TRPC7: variants seen among roughly 807,000 people sequenced by gnomAD.
TRPC7 encodes transient receptor potential cation channel subfamily C member 7.
In TRPC7, 42 loss-of-function variants were observed where a neutral mutation model predicts 90.1. That is an observed-to-expected ratio of 0.47 (90% CI 0.36 to 0.60). The LOEUF is 0.60. TRPC7 is among the 20% of genes least tolerant of loss of function. The probability of loss-of-function intolerance (pLI) is 0.00; values close to 1 mark genes in which losing one functional copy is unlikely to be tolerated. For missense variants in TRPC7, 955 were observed against 1,112.3 expected (o/e 0.86, Z 2.01); for synonymous variants, 451 against 436.3 (o/e 1.03, Z -0.42).
intron 3 of TRPC7, among the ~76,000 whole-genome samples, chr5:136,302,351 C>T (rs1449859545): frequency 6.6e-6 from 1 of 152,198 alleles, no homozygotes; most frequent in East Asian, 1.9e-4. Context: ...GGGGCAAGTC[C>T]CGCTTTTCTG....
chr5:136,336,310 G>A (rs926653934), intron 2 of TRPC7, among the ~76,000 whole-genome samples: 10 of 152,018 alleles, frequency 6.6e-5, no homozygotes, highest in Non-Finnish European at 1.3e-4. Context: ...CATTTTCACC[G>A]GCAGCCCTAA....
chr5:136,274,974 G>A (rs1757317045), intron 3 of TRPC7, 137 bp from the exon 4 acceptor site: 2 of 934,312 alleles, frequency 2.1e-6, no homozygotes, highest in Non-Finnish European at 1.6e-6. Context: ...CCTGCAGTGG[G>A]TGGGGATGAG....
At chr5:136,260,625 C>T (rs1390938841) in intron 5 of TRPC7, among the ~76,000 whole-genome samples, 1 of 152,178 alleles carries the variant, frequency 6.6e-6, no homozygotes, top group Non-Finnish European at 1.5e-5. Context: ...GTGAGAGCAT[C>T]ATAGGCCACT....
intron 3 of TRPC7, among the ~76,000 whole-genome samples, chr5:136,293,837 A>G (rs1389944553): frequency 6.6e-6 from 1 of 152,246 alleles, no homozygotes; most frequent in Non-Finnish European, 1.5e-5. Context: ...TGCCAGGTCA[A>G]TCCTAAGCCA....
At chr5:136,261,317 G>C (rs759789369) in intron 5 of TRPC7, among the ~76,000 whole-genome samples, 1 of 152,210 alleles carries the variant, frequency 6.6e-6, no homozygotes, top group African/African-American at 2.4e-5. Flanking sequence ...CTAATAACTA[G>C]AAAATATTTA....
At chr5:136,253,477 T>C (rs1341462347) in intron 5 of TRPC7, among the ~76,000 whole-genome samples, 1 of 152,230 alleles carries the variant, frequency 6.6e-6, no homozygotes, top group Admixed American at 6.5e-5. Flanking sequence ...GGTCTCTATG[T>C]CATATTTTGG....
chr5:136,278,710 G>C (rs938625115), intron 3 of TRPC7, among the ~76,000 whole-genome samples: 2 of 152,132 alleles, frequency 1.3e-5, no homozygotes, highest in Non-Finnish European at 2.9e-5. Flanking sequence ...TAAGCTCAAG[G>C]GGATTTTGGG....
At chr5:136,308,314 G>C (rs1241830868) in intron 3 of TRPC7, among the ~76,000 whole-genome samples, 2 of 152,232 alleles carry the variant, frequency 1.3e-5, no homozygotes, top group African/African-American at 2.4e-5. Flanking sequence ...TCCCAAAGAG[G>C]AAGATGATTG....
chr5:136,353,345 AAG>A (rs1760261888), intron 2 of TRPC7, among the ~76,000 whole-genome samples: 1 of 152,160 alleles, frequency 6.6e-6, no homozygotes, highest in African/African-American at 2.4e-5. Flanking sequence ...CCTAGTCAGG[AAG>A]AGTTTTTCCC....
chr5:136,299,951 TCTGA>T (rs1580922382), intron 3 of TRPC7, among the ~76,000 whole-genome samples: 1 of 152,202 alleles, frequency 6.6e-6, no homozygotes, highest in South Asian at 2.1e-4. Flanking sequence ...ATCCTCAAGC[TCTGA>T]CTATCTTAGC....
At chr5:136,272,210 T>A (rs1207301847) in intron 4 of TRPC7, among the ~76,000 whole-genome samples, 2 of 152,204 alleles carry the variant, frequency 1.3e-5, no homozygotes, top group Non-Finnish European at 2.9e-5. Context: ...TTCCTAGAAT[T>A]ACAGATATAG....
intron 5 of TRPC7, among the ~76,000 whole-genome samples, chr5:136,252,164 G>A (rs1266331269): frequency 6.6e-6 from 1 of 152,096 alleles, no homozygotes; most frequent in Non-Finnish European, 1.5e-5. Context: ...AAATACAGTT[G>A]CTGACATTTA....
Position 136,315,965 on chromosome 5 carries a change from C to T in TRPC7, c.781-186G>A, listed in dbSNP as rs547790246. 9.9e-6 allele frequency: 6 copies of T among 603,384 alleles called. No individual in the cohort carries two copies. The East Asian group carries it at 1.7e-4, about 17-fold the overall frequency. 37.4% of individuals were successfully genotyped at this position (603,384 alleles called of 1,614,324 possible). ...CGGGGCAATTTCTCTTGACACGTGACCTGAAGGACATTTTCTCTAGGTCAG... is the reference window on the plus strand; with the variant it reads ...CGGGGCAATTTCTCTTGACACGTGATCTGAAGGACATTTTCTCTAGGTCAG... On this transcript the variant is annotated intron_variant, in intron 2 of 11. Coordinates refer to ENST00000513104, the MANE Select transcript of TRPC7 (RefSeq NM_020389.3).
intron 11 of TRPC7, among the ~76,000 whole-genome samples, chr5:136,215,234 G>T (rs560447291): frequency 6.6e-6 from 1 of 152,166 alleles, no homozygotes; most frequent in Non-Finnish European, 1.5e-5. Context: ...CATCTGCTCA[G>T]TGGATGTGCA....
intron 3 of TRPC7, among the ~76,000 whole-genome samples, chr5:136,275,813 G>C (rs1051847206): frequency 7.9e-5 from 12 of 152,148 alleles, no homozygotes; most frequent in Non-Finnish European, 1.8e-4. Flanking sequence ...ATTTAGTAGA[G>C]AGTTAATATG....
chr5:136,334,082 G>T (rs550776768), intron 2 of TRPC7, among the ~76,000 whole-genome samples: 1 of 151,988 alleles, frequency 6.6e-6, no homozygotes, highest in Non-Finnish European at 1.5e-5. Flanking sequence ...CCAAAAAGAG[G>T]TTCAGAGTGA....
intron 2 of TRPC7, among the ~76,000 whole-genome samples, chr5:136,347,728 G>T (rs1760053856): frequency 6.6e-6 from 1 of 152,182 alleles, no homozygotes; most frequent in Non-Finnish European, 1.5e-5. Flanking sequence ...AATTGGAATT[G>T]ACATCACTCT....
At chr5:136,333,543 GA>G (rs1296194274) in intron 2 of TRPC7, among the ~76,000 whole-genome samples, 3 of 152,328 alleles carry the variant, frequency 2.0e-5, no homozygotes, top group Non-Finnish European at 4.4e-5. Context: ...ATCATGGTCT[GA>G]TTTATATTGA....
At position 136,246,967 on chromosome 5, in the gene TRPC7, C is replaced by G. The variant is rs143544850; in HGVS notation, c.1844+504G>C. Among the ~76,000 whole-genome samples the G allele has an allele frequency of 6.2e-4, 94 of 152,312 alleles. 1 individual carries two copies. The highest frequency in any genetic ancestry group is 2.2e-3 in the African/African-American group (92 of 41,568). On this transcript the variant is annotated intron_variant, in intron 7 of 11. Transcript: ENST00000513104. The stretch of plus-strand genomic sequence containing the variant: ...AGAATACTCGCCAGCATGCTTGCTG[C>G]TGCATTGTTTACCCTGAGATAACTC...
Sources: gnomAD v4.1 joint callset for allele counts (sites outside exome capture counted in the v4.1 genomes callset) on GRCh38, gnomAD v4.1.1 for gene constraint, MANE v1.5 for transcripts, NCBI Gene and HGNC (gene_info 2026-07-23, HGNC 2026-07-21) for gene names.